SIPA1L3: variants seen among roughly 807,000 people sequenced by gnomAD.
SIPA1L3 encodes the protein signal-induced proliferation-associated 1-like protein 3.
Under a neutral mutation model 150.1 loss-of-function variants are expected in SIPA1L3, and 59 were observed. That is an observed-to-expected ratio of 0.39 (90% CI 0.32 to 0.49). SIPA1L3 has a LOEUF of 0.49. Among genes scored for constraint, SIPA1L3 ranks in the 20% least tolerant of loss-of-function variants. The probability of loss-of-function intolerance (pLI) is 0.86; values close to 1 mark genes in which losing one functional copy is unlikely to be tolerated. For missense variants in SIPA1L3, 2,211 were observed against 2,489.5 expected (o/e 0.89, Z 2.38); for synonymous variants, 1,070 against 1,077.6 (o/e 0.99, Z 0.14).
intron 6 of SIPA1L3, among the ~76,000 whole-genome samples, chr19:38,104,207 G>A (rs1034764929): frequency 6.6e-6 from 1 of 152,194 alleles, no homozygotes; most frequent in Admixed American, 6.5e-5. Context: ...GAAGTGAGGT[G>A]TTAGGCAGGT....
intron 13 of SIPA1L3, among the ~76,000 whole-genome samples, chr19:38,153,705 C>G (rs931685361): frequency 7.2e-6 from 1 of 138,676 alleles, no homozygotes; most frequent in African/African-American, 2.7e-5. Flanking sequence ...CCAAGGCGGG[C>G]GGATAATAAT....
At chr19:38,174,398 G>C (rs1972394459) in intron 15 of SIPA1L3, among the ~76,000 whole-genome samples, 2 of 152,144 alleles carry the variant, frequency 1.3e-5, no homozygotes, top group African/African-American at 4.8e-5. Flanking sequence ...CAAGTGGCTG[G>C]GGGCCCTCGG....
Position 38,101,142 on chromosome 19 carries a change from G to A in SIPA1L3, c.1945G>A (p.Ala649Thr), listed in dbSNP as rs761856853. The A allele has an allele frequency of 1.7e-5, 28 of 1,610,766 alleles. No homozygotes were observed. The highest frequency in any genetic ancestry group is 4.0e-5 in the African/African-American group (3 of 74,850). Residue 649 changes from alanine (A) to threonine (T), a missense_variant, in exon 6 of 22, where the codon GCC becomes ACC. Around this residue, in one of 5 missense-constraint regions of SIPA1L3, gnomAD observed 625 missense variants for 804.2 expected, o/e 0.78. Transcript: ENST00000222345. ...EMYNNEEAGP[A>T]FEEFLSLIGE... ...GTACAACAATGAGGAGGCCGGCCCC[G>A]CCTTTGAGGAGTTCCTCTCCCTCAT...
At chr19:38,051,704 C>T (rs1331027691) in intron 2 of SIPA1L3, among the ~76,000 whole-genome samples, 1 of 152,142 alleles carries the variant, frequency 6.6e-6, no homozygotes, top group Admixed American at 6.5e-5. Flanking sequence ...TCAAGTGATC[C>T]TCCCACCTCA....
At chr19:38,137,313 CT>C (rs1474013082) in intron 10 of SIPA1L3, among the ~76,000 whole-genome samples, 4 of 152,096 alleles carry the variant, frequency 2.6e-5, no homozygotes, top group Admixed American at 6.6e-5. Context: ...CTCAACCCCC[CT>C]AGTAGCTGAG....
intron 2 of SIPA1L3, among the ~76,000 whole-genome samples, chr19:38,035,021 C>T (rs1346747351): frequency 6.6e-6 from 1 of 152,190 alleles, no homozygotes; most frequent in Non-Finnish European, 1.5e-5. Context: ...CTTCAGACCC[C>T]AGAGTGGTCA....
chr19:38,181,863 A>AG (rs1555795272), intron 15 of SIPA1L3, among the ~76,000 whole-genome samples: 15 of 145,956 alleles, frequency 1.0e-4, no homozygotes, highest in African/African-American at 3.7e-4. Flanking sequence ...AAAAAAAAAA[A>AG]GGTTAAGGGC....
intron 1 of SIPA1L3, among the ~76,000 whole-genome samples, chr19:37,936,860 A>G (rs1457631168): frequency 6.6e-6 from 1 of 152,142 alleles, no homozygotes; most frequent in African/African-American, 2.4e-5. Context: ...AACAAAAACC[A>G]CTTACTACTC....
At chr19:38,014,430 G>A (rs938107664) in intron 1 of SIPA1L3, among the ~76,000 whole-genome samples, 1 of 152,046 alleles carries the variant, frequency 6.6e-6, no homozygotes, top group African/African-American at 2.4e-5. Context: ...CAGATCTCGG[G>A]CTGTGTTCCA....
At chr19:38,153,053 C>A (rs1339371473) in intron 13 of SIPA1L3, 86 bp downstream of exon 13, 7 of 1,480,430 alleles carry the variant, frequency 4.7e-6, no homozygotes, top group Middle Eastern at 1.8e-4. Context: ...AACACTCCCC[C>A]TCTTGTGAGT....
chr19:37,966,474 A>G (rs1178786763), intron 1 of SIPA1L3, among the ~76,000 whole-genome samples: 1 of 152,204 alleles, frequency 6.6e-6, no homozygotes, highest in Non-Finnish European at 1.5e-5. Flanking sequence ...GGTGGGTCTC[A>G]GAGTCCTGAT....
intron 16 of SIPA1L3, among the ~76,000 whole-genome samples, chr19:38,191,071 G>C (rs1056561924): frequency 6.6e-6 from 1 of 152,172 alleles, no homozygotes; most frequent in Non-Finnish European, 1.5e-5. Flanking sequence ...CATGAGATGG[G>C]ATACCAATAG....
chr19:38,080,116 G>C (rs1208226317), intron 2 of SIPA1L3, among the ~76,000 whole-genome samples: 2 of 152,138 alleles, frequency 1.3e-5, no homozygotes, highest in Admixed American at 6.6e-5. Flanking sequence ...GATGGGCTCT[G>C]ATTTACCCAG....
rs186546918 is a variant in SIPA1L3, at chr19:38,176,293, G to A, written c.4209-6226G>A. Reference sequence around the variant, plus strand: ...CTCCCAAAGTATTGGGATTACAGGCGTAAGCCACTGCACCCGGCTGGCCAC... The same window carrying A: ...CTCCCAAAGTATTGGGATTACAGGCATAAGCCACTGCACCCGGCTGGCCAC... On this transcript the variant is annotated intron_variant, in intron 15 of 21. Coordinates refer to ENST00000222345, the MANE Select transcript of SIPA1L3 (RefSeq NM_015073.3). 5.9e-5 allele frequency among the ~76,000 whole-genome samples: 9 copies of A among 152,064 alleles called. No individual in the cohort carries two copies. The East Asian group carries it at 7.8e-4, about 13-fold the overall frequency.
intron 1 of SIPA1L3, among the ~76,000 whole-genome samples, chr19:37,917,485 G>A (rs549255775): frequency 6.6e-6 from 1 of 152,166 alleles, no homozygotes; most frequent in South Asian, 2.1e-4. Flanking sequence ...GCCTGTGTTC[G>A]GAGGTGCCAG....
chr19:37,978,923 C>G (rs1967135693), intron 1 of SIPA1L3, among the ~76,000 whole-genome samples: 1 of 152,140 alleles, frequency 6.6e-6, no homozygotes, highest in Non-Finnish European at 1.5e-5. Flanking sequence ...CTGCAGTGAG[C>G]TGTGATCGCA....
At chr19:38,004,637 G>T (rs888865620) in intron 1 of SIPA1L3, among the ~76,000 whole-genome samples, 1 of 152,170 alleles carries the variant, frequency 6.6e-6, no homozygotes, top group Non-Finnish European at 1.5e-5. Context: ...GAACTATCAT[G>T]CAAAACCTCA....
At chr19:38,085,777 G>A (rs549206799) in intron 3 of SIPA1L3, among the ~76,000 whole-genome samples, 171 of 152,262 alleles carry the variant, frequency 1.1e-3, no homozygotes, top group African/African-American at 3.8e-3. Context: ...GGCAGATCAC[G>A]TGGGGTCAGG....
chr19:38,024,525 C>T (rs1393584999), intron 1 of SIPA1L3, among the ~76,000 whole-genome samples: 1 of 151,968 alleles, frequency 6.6e-6, no homozygotes, highest in East Asian at 1.9e-4. Context: ...CTGGGGGTCT[C>T]GGGGAGCCCG....
Sources: allele counts gnomAD v4.1 joint callset (sites outside exome capture counted in the v4.1 genomes callset), GRCh38; gene constraint gnomAD v4.1.1; regional missense constraint gnomAD v4.1.1; transcripts MANE v1.5; gene names NCBI Gene and HGNC (gene_info 2026-07-23, HGNC 2026-07-21).